The following KIRREL3 variants were observed in gnomAD, a reference collection of about 807,000 sequenced individuals.
KIRREL3 encodes the protein kin of IRRE-like protein 3.
Under a neutral mutation model 89.7 loss-of-function variants are expected in KIRREL3, and 36 were observed. The ratio of observed to expected loss-of-function variants is 0.40; its 90% CI spans 0.31 to 0.53. The LOEUF (loss-of-function observed/expected upper bound fraction) is 0.53, where lower values mean the gene tolerates loss of function less well. Among genes scored for constraint, KIRREL3 ranks in the 20% least tolerant of loss-of-function variants. The pLI is 0.49. For missense variants in KIRREL3, 864 were observed against 1,056.6 expected, an observed-to-expected ratio of 0.82 and a Z score of 2.53; for synonymous variants, 445 against 441.4, an observed-to-expected ratio of 1.01 and a Z score of -0.10.
chr11:126,988,842 C>T (rs1313465760), intron 1 of KIRREL3, among the ~76,000 whole-genome samples: 1 of 152,206 alleles, frequency 6.6e-6, no homozygotes, highest in Non-Finnish European at 1.5e-5. Flanking sequence ...CCCCATTCAG[C>T]AATCACAAGG....
intron 1 of KIRREL3, among the ~76,000 whole-genome samples, chr11:126,806,578 A>G (rs1565313720): frequency 6.6e-6 from 1 of 152,212 alleles, no homozygotes; most frequent in Non-Finnish European, 1.5e-5. Flanking sequence ...TAGTTGGACC[A>G]TGTGTTGGCT....
In KIRREL3 at chr11:126,484,973, G is replaced by A. The variant is rs1165357249; in HGVS notation, c.434-11507C>T. Among the ~76,000 whole-genome samples the A allele has an allele frequency of 1.3e-5, 2 of 152,062 alleles. No individual in the cohort carries two copies. The highest frequency in any genetic ancestry group is 2.1e-4 in the South Asian group (1 of 4,826). ...TGGGATTACAGGCACCTGCCACCACGCCTGGCTGATATTTTTTGGTACTTT... is the reference window on the plus strand; with the variant it reads ...TGGGATTACAGGCACCTGCCACCACACCTGGCTGATATTTTTTGGTACTTT... On this transcript the variant is annotated intron_variant, in intron 4 of 16. Transcript: ENST00000525144. This position sits in a 1 kb window ranked among gnomAD's most constrained non-coding sequence, Gnocchi z 5.2.
At chr11:126,540,848 T>C (rs983974366) in intron 2 of KIRREL3, among the ~76,000 whole-genome samples, 1 of 152,222 alleles carries the variant, frequency 6.6e-6, no homozygotes, top group African/African-American at 2.4e-5. Flanking sequence ...CTCAGGCCTG[T>C]TGCTGGCCAG....
At chr11:126,678,667 AG>A (rs1315785498) in intron 1 of KIRREL3, among the ~76,000 whole-genome samples, 2 of 146,722 alleles carry the variant, frequency 1.4e-5, no homozygotes, top group Non-Finnish European at 3.0e-5. Context: ...ATGATAGAGG[AG>A]TCAGATCCCT....
In KIRREL3 at chr11:126,668,643, C is replaced by G. The variant is rs1387264833; in HGVS notation, c.56-105731G>C. Among the ~76,000 whole-genome samples, 1 of 152,142 alleles carries G rather than the reference C, an allele frequency of 6.6e-6. No homozygotes were observed. Among genetic ancestry groups the G allele is most frequent in the Middle Eastern group, 3.2e-3 (1 of 316 alleles). On this transcript the variant is annotated intron_variant, in intron 1 of 16. Coordinates refer to ENST00000525144, the MANE Select transcript of KIRREL3 (RefSeq NM_032531.4). This position sits in a 1 kb window ranked among gnomAD's most constrained non-coding sequence, Gnocchi z 4.4. The stretch of plus-strand genomic sequence containing the variant: ...CCCCCTTCTCGGTTTTCTCAGATAG[C>G]ATGCCATTTGCTGTCTCAAATCTAT...
In KIRREL3 at chr11:126,428,713, C is replaced by T. The variant is rs1240526318; in HGVS notation, c.1806+466G>A. 6.6e-6 allele frequency among the ~76,000 whole-genome samples: 1 copy of T among 152,106 alleles called. No individual in the cohort carries two copies. The highest frequency in any genetic ancestry group is 1.9e-4 in the East Asian group (1 of 5,194). On this transcript the variant is annotated intron_variant, in intron 15 of 16. Coordinates refer to ENST00000525144, the MANE Select transcript of KIRREL3 (RefSeq NM_032531.4). This position sits in a 1 kb window ranked among gnomAD's most constrained non-coding sequence, Gnocchi z 6.4. Reference sequence around the variant, plus strand: ...CCAGGCTGGGGTGCAGTGGCCTGATCTCAGCTCACTGCAACCTCCACCTCC... The same window carrying T: ...CCAGGCTGGGGTGCAGTGGCCTGATTTCAGCTCACTGCAACCTCCACCTCC...
At chr11:126,599,341 C>T (rs1205270925) in intron 1 of KIRREL3, among the ~76,000 whole-genome samples, 1 of 152,334 alleles carries the variant, frequency 6.6e-6, no homozygotes, top group Non-Finnish European at 1.5e-5. Context: ...AATGGACTCT[C>T]TCTGAGGCAG....
At position 126,890,211 on chromosome 11, in the gene KIRREL3, C is replaced by T. The variant is rs939899818; in HGVS notation, c.55+110244G>A. 6.6e-6 allele frequency among the ~76,000 whole-genome samples: 1 copy of T among 152,136 alleles called. No individual in the cohort carries two copies. Among genetic ancestry groups the T allele is most frequent in the Non-Finnish European group, 1.5e-5 (1 of 68,020 alleles). ...AAAGTGGGAGGAGAATGGTTTCTGG[C>T]TCCCGGCAGGTTCATGAAAGAGAAA... On this transcript the variant is annotated intron_variant, in intron 1 of 16. Transcript: ENST00000525144. This position sits in a 1 kb window ranked among gnomAD's most constrained non-coding sequence, Gnocchi z 5.1.
chr11:126,799,224 ATC>A (rs1486822457), intron 1 of KIRREL3, among the ~76,000 whole-genome samples: 1 of 113,262 alleles, frequency 8.8e-6, no homozygotes, highest in Non-Finnish European at 1.9e-5. Flanking sequence ...CTGTGTGTGT[ATC>A]TGTGTATCTG....
chr11:126,954,290 A>G lies in KIRREL3; in HGVS notation c.55+46165T>C, dbSNP rs376239287. On this transcript the variant is annotated intron_variant, in intron 1 of 16. Transcript: ENST00000525144. The surrounding 1 kb of genome is among the most constrained non-coding windows in gnomAD (Gnocchi z 4.1). The stretch of plus-strand genomic sequence containing the variant: ...TAAAAAAAAAAAAGCCCTGCCTCAC[A>G]GTTGACATTTTATTTTATAGTCACG... 1.5e-3 allele frequency among the ~76,000 whole-genome samples: 230 copies of G among 149,468 alleles called. 2 individuals carry two copies. The highest frequency in any genetic ancestry group is 5.2e-3 in the African/African-American group (212 of 41,006).
chr11:126,668,722 T>TTTC lies in KIRREL3; in HGVS notation c.56-105813_56-105811dup, dbSNP rs1945789810. On this transcript the variant is annotated intron_variant, in intron 1 of 16. Transcript: ENST00000525144. The surrounding 1 kb of genome is among the most constrained non-coding windows in gnomAD (Gnocchi z 4.4). ...CTTTCTTTCTTTCTTTCTTTCTTTCTTTCTTTCTTTCTTTCTTTCTTTCTT... is the reference window on the plus strand; with the variant it reads ...CTTTCTTTCTTTCTTTCTTTCTTTCTTTCTTCTTTCTTTCTTTCTTTCTTTCTT... 8.2e-6 allele frequency among the ~76,000 whole-genome samples: 1 copy of TTTC among 121,300 alleles called. No individual in the cohort carries two copies. Among genetic ancestry groups the TTTC allele is most frequent in the African/African-American group, 2.9e-5 (1 of 34,086 alleles). 79.6% of individuals were successfully genotyped at this position (121,300 alleles called of 152,430 possible).
At chr11:126,542,553 C>T (rs1938453848) in intron 2 of KIRREL3, among the ~76,000 whole-genome samples, 1 of 152,220 alleles carries the variant, frequency 6.6e-6, no homozygotes, top group South Asian at 2.1e-4. Flanking sequence ...GTGGGGCTCC[C>T]TCTCTGCCTC....
intron 11 of KIRREL3, among the ~76,000 whole-genome samples, chr11:126,439,389 A>T (rs1955476005): frequency 1.3e-5 from 2 of 151,762 alleles, no homozygotes; most frequent in African/African-American, 4.8e-5. Context: ...TTGTTGTTGT[A>T]GAGACAGGGT....
At position 126,875,498 on chromosome 11, in the gene KIRREL3, C is replaced by T. The variant is rs559581423; in HGVS notation, c.55+124957G>A. 3.9e-5 allele frequency among the ~76,000 whole-genome samples: 6 copies of T among 152,330 alleles called. No homozygotes were observed. In the South Asian group the frequency reaches 6.2e-4, roughly 16 times the overall value. On this transcript the variant is annotated intron_variant, in intron 1 of 16. Transcript: ENST00000525144. ...CAATGCAGCTATCTCTTGTTTCTCTCTCTGGAGTCGTGGCAATAATTTTAA... is the reference window on the plus strand; with the variant it reads ...CAATGCAGCTATCTCTTGTTTCTCTTTCTGGAGTCGTGGCAATAATTTTAA...
intron 11 of KIRREL3, among the ~76,000 whole-genome samples, chr11:126,437,597 C>G (rs975894612): frequency 5.9e-5 from 9 of 152,138 alleles, no homozygotes; most frequent in Admixed American, 5.9e-4. Context: ...TCACAACATG[C>G]ATACACACAT....
intron 1 of KIRREL3, among the ~76,000 whole-genome samples, chr11:126,602,676 C>T (rs150600738): frequency 7.9e-4 from 121 of 152,276 alleles, no homozygotes; most frequent in African/African-American, 2.9e-3. Flanking sequence ...AAGCCCTGCC[C>T]CAGCTGTGGA....
In KIRREL3 at chr11:126,454,231, C is replaced by T. The variant is rs1475365056; in HGVS notation, c.848+2118G>A. 6.6e-6 allele frequency among the ~76,000 whole-genome samples: 1 copy of T among 151,954 alleles called. No individual in the cohort carries two copies. Among genetic ancestry groups the T allele is most frequent in the Non-Finnish European group, 1.5e-5 (1 of 67,996 alleles). ...GTGACCCTGGGAATCAGGCCCAGCA[C>T]TTCGTTTCCTGGGTGTTTGCTGTCC... On this transcript the variant is annotated intron_variant, in intron 7 of 16. Coordinates refer to ENST00000525144, the MANE Select transcript of KIRREL3 (RefSeq NM_032531.4). This position sits in a 1 kb window ranked among gnomAD's most constrained non-coding sequence, Gnocchi z 5.8.
intron 4 of KIRREL3, among the ~76,000 whole-genome samples, chr11:126,517,650 C>T (rs138825250): frequency 2.0e-3 from 298 of 152,314 alleles, no homozygotes; most frequent in African/African-American, 6.3e-3. Flanking sequence ...TTCTAAGCCT[C>T]GGTCACTGCG....
intron 1 of KIRREL3, among the ~76,000 whole-genome samples, chr11:126,927,597 T>A (rs1018176695): frequency 6.6e-6 from 1 of 152,240 alleles, no homozygotes; most frequent in Admixed American, 6.5e-5. Flanking sequence ...TATGGAAAAC[T>A]TTATAGAAAT....
Sources: allele counts gnomAD v4.1 joint callset (sites outside exome capture counted in the v4.1 genomes callset), GRCh38; gene constraint gnomAD v4.1.1; non-coding constraint Gnocchi (gnomAD v3.1); transcripts MANE v1.5; gene names NCBI Gene and HGNC (gene_info 2026-07-23, HGNC 2026-07-21).